Variants in CNTLN observed in about 807,000 individuals in gnomAD.
CNTLN encodes the protein centlein.
A neutral mutation model predicts 180.0 loss-of-function variants in CNTLN; 212 were observed. The ratio of observed to expected loss-of-function variants is 1.18; its 90% CI spans 1.05 to 1.32. The LOEUF is 1.32. Among genes scored for constraint, CNTLN ranks in the 40% most tolerant of loss-of-function variants. CNTLN has a pLI of 0.00. For synonymous variants in CNTLN, 722 were observed against 563.1 expected (o/e 1.28, Z -3.99); for missense variants, 2,095 against 1,610.9 (o/e 1.30, Z -5.14).
chr9:17,463,127 T>C (rs1831547304), intron 20 of CNTLN, 114 bp downstream of exon 20: 1 of 597,546 alleles, frequency 1.7e-6, no homozygotes, highest in Non-Finnish European at 3.0e-6. Flanking sequence ...CTAGTTCATA[T>C]TTAAACCTAC....
At chr9:17,477,102 G>C (rs2383020) in intron 23 of CNTLN, among the ~76,000 whole-genome samples, 112,999 of 152,074 alleles carry the variant, frequency 0.74, 46,048 homozygotes, top group Non-Finnish European at 0.89. Context: ...TCCATAAATG[G>C]AACAACAAAG....
At chr9:17,158,719 C>T (rs900855270) in intron 2 of CNTLN, among the ~76,000 whole-genome samples, 6 of 152,010 alleles carry the variant, frequency 3.9e-5, no homozygotes, top group African/African-American at 1.4e-4. Flanking sequence ...AATATCCCCC[C>T]CTTTTATTTC....
At chr9:17,394,188 A>AT (rs1177017809) in intron 14 of CNTLN, among the ~76,000 whole-genome samples, 1 of 152,134 alleles carries the variant, frequency 6.6e-6, no homozygotes, top group African/African-American at 2.4e-5. Context: ...ACTTTTAGAC[A>AT]TTTGTGTATA....
intron 15 of CNTLN, among the ~76,000 whole-genome samples, chr9:17,407,337 T>G (rs555868946): frequency 2.2e-4 from 34 of 152,362 alleles, no homozygotes; most frequent in African/African-American, 7.7e-4. Context: ...AAAGCCAGTA[T>G]GAGTTCTTCA....
chr9:17,140,864 A>G (rs1818041796), intron 1 of CNTLN, among the ~76,000 whole-genome samples: 1 of 152,254 alleles, frequency 6.6e-6, no homozygotes, highest in South Asian at 2.1e-4. Flanking sequence ...CAAAAATTCC[A>G]GAAGAAGAAA....
chr9:17,504,078 A>C (rs964031964), downstream of CNTLN, among the ~76,000 whole-genome samples: 3 of 130,908 alleles, frequency 2.3e-5, no homozygotes, highest in Non-Finnish European at 4.9e-5. Context: ...TTTAGGTGAC[A>C]CAAATACTGC....
At chr9:17,187,870 G>T (rs1821527959) in intron 2 of CNTLN, among the ~76,000 whole-genome samples, 1 of 151,360 alleles carries the variant, frequency 6.6e-6, no homozygotes, top group South Asian at 2.1e-4. Context: ...CAGTTTATGA[G>T]ACCTTTTGTG....
chr9:17,525,837 G>C, the CNTLN span, among the ~76,000 whole-genome samples: 1 of 152,056 alleles, frequency 6.6e-6, no homozygotes, highest in Admixed American at 6.5e-5. Flanking sequence ...ACAAAACACT[G>C]GTTATGAAAC....
At chr9:17,213,377 T>G (rs1823477762) in intron 2 of CNTLN, among the ~76,000 whole-genome samples, 1 of 152,230 alleles carries the variant, frequency 6.6e-6, no homozygotes. Context: ...TGAGTGAGTT[T>G]CTTAATCCTG....
chr9:17,276,951 A>G (rs1201892752), intron 6 of CNTLN, among the ~76,000 whole-genome samples: 3 of 152,072 alleles, frequency 2.0e-5, no homozygotes, highest in Non-Finnish European at 2.9e-5. Context: ...CTATGCATAT[A>G]TAATGATGTA....
intron 18 of CNTLN, among the ~76,000 whole-genome samples, chr9:17,426,433 A>G (rs1265116535): frequency 1.3e-5 from 2 of 152,038 alleles, no homozygotes. Flanking sequence ...ATCTAAAACT[A>G]TTTACTGTTT....
rs578165242 is a variant in CNTLN at position 17,180,954 on chromosome 9, C to G, written c.449+37578C>G. Among the ~76,000 whole-genome samples the G allele has an allele frequency of 2.6e-5, 4 of 152,158 alleles. No homozygotes were observed. The South Asian group carries it at 8.3e-4, about 32-fold the overall frequency. On this transcript the variant is annotated intron_variant, in intron 2 of 25. Coordinates refer to ENST00000380647, the MANE Select transcript of CNTLN (RefSeq NM_017738.4). ...TTGTTTTTAGGTAATAATGGTATTTCTGTGTCACTATCTTCAAGATTTTTT... is the reference window on the plus strand; with the variant it reads ...TTGTTTTTAGGTAATAATGGTATTTGTGTGTCACTATCTTCAAGATTTTTT...
chr9:17,434,088 G>C (rs1829607797), intron 18 of CNTLN, among the ~76,000 whole-genome samples: 1 of 152,090 alleles, frequency 6.6e-6, no homozygotes, highest in Non-Finnish European at 1.5e-5. Context: ...TGCAAGATCT[G>C]TAGTGATAGT....
chr9:17,198,047 G>A (rs907154480), intron 2 of CNTLN, among the ~76,000 whole-genome samples: 4 of 152,066 alleles, frequency 2.6e-5, no homozygotes, highest in African/African-American at 9.7e-5. Context: ...GTTCACTGTA[G>A]ATGTATGCCT....
downstream of CNTLN, among the ~76,000 whole-genome samples, chr9:17,505,794 G>T (rs1194715621): frequency 3.9e-5 from 6 of 152,002 alleles, no homozygotes; most frequent in Admixed American, 3.9e-4. Context: ...AATGTATATG[G>T]GAACTCAGAA....
intron 2 of CNTLN, among the ~76,000 whole-genome samples, chr9:17,224,203 A>C (rs1446501571): frequency 1.3e-5 from 2 of 151,974 alleles, no homozygotes; most frequent in Admixed American, 1.3e-4. Context: ...TGTATTATTT[A>C]TCTTCATTAT....
chr9:17,137,296 C>A (rs573762950), intron 1 of CNTLN, among the ~76,000 whole-genome samples: 7 of 152,298 alleles, frequency 4.6e-5, no homozygotes, highest in African/African-American at 1.7e-4. Flanking sequence ...TTAGTCAAAT[C>A]AGACTCCTGC....
chr9:17,389,106 C>G (rs1377414096), intron 14 of CNTLN, among the ~76,000 whole-genome samples: 1 of 151,894 alleles, frequency 6.6e-6, no homozygotes, highest in African/African-American at 2.4e-5. Context: ...TGTTGCATCT[C>G]TGAATTGACT....
chr9:17,464,559 G>C lies in CNTLN; in HGVS notation c.3467G>C (p.Arg1156Pro). ...KRHLIEDLKF[R>P]QKVNLESNKS... The stretch of plus-strand genomic sequence containing the variant: ...CATTTGATAGAGGACTTGAAATTTC[G>C]ACAGAAAGTAAATTTGGAAAGTAAC... The change falls in exon 21 of 26, where the codon CGA becomes CCA. Residue 1156 changes from arginine (R) to proline (P), a missense_variant. Transcript: ENST00000380647. 1 of 1,515,138 alleles carries C rather than the reference G, an allele frequency of 6.6e-7. No individual in the cohort carries two copies. Among genetic ancestry groups the C allele is most frequent in the Non-Finnish European group, 8.8e-7 (1 of 1,135,534 alleles). The allele number at this position is 1,515,138 out of a possible 1,614,324, so 93.9% of individuals were successfully genotyped here.
Sources: gnomAD v4.1 joint callset for allele counts (sites outside exome capture counted in the v4.1 genomes callset) on GRCh38, gnomAD v4.1.1 for gene constraint, MANE v1.5 for transcripts, NCBI Gene and HGNC (gene_info 2026-07-23, HGNC 2026-07-21) for gene names.